Variants in CLEC1A observed in about 807,000 individuals in gnomAD.
The protein encoded by CLEC1A is C-type lectin-like receptor-1.
Under a neutral mutation model 28.7 loss-of-function variants are expected in CLEC1A, and 34 were observed. That is an observed-to-expected ratio of 1.18 (90% CI 0.90 to 1.57). CLEC1A has a LOEUF of 1.57. Among genes scored for constraint, CLEC1A ranks in the 40% most tolerant of loss-of-function variants. The pLI is 0.00. For synonymous variants in CLEC1A, 116 were observed against 121.0 expected, an observed-to-expected ratio of 0.96 and a Z score of 0.27; for missense variants, 385 against 339.5, an observed-to-expected ratio of 1.13 and a Z score of -1.05.
At chr12:10,088,024 G>A (rs1351901479) in intron 2 of CLEC1A, among the ~76,000 whole-genome samples, 3 of 151,854 alleles carry the variant, frequency 2.0e-5, no homozygotes, top group East Asian at 3.9e-4. Flanking sequence ...TCATTATATT[G>A]AGTATTGACA....
rs575580308 is a variant in CLEC1A at position 10,092,389 on chromosome 12, T to A, written c.116-3167A>T. ...GTGAGACCCCCATCTCTATAAAAAA[T>A]TTTTAAAATTCATCAGCCATGGTGG... is the stretch of plus-strand genomic sequence containing the variant. On this transcript the variant is annotated intron_variant, in intron 1 of 5. Transcript: ENST00000315330. 6.1e-4 allele frequency: 228 copies of A among 372,150 alleles called. 1 individual carries two copies. Among genetic ancestry groups the A allele is most frequent in the South Asian group, 1.1e-3 (58 of 52,220 alleles). 23.1% of individuals were successfully genotyped at this position (372,150 alleles called of 1,614,324 possible). A position where few individuals can be genotyped will look rare whatever the true frequency, so the allele number is the denominator to read the frequency against.
At chr12:10,081,114 C>T in intron 3 of CLEC1A, 123 bp downstream of exon 3, 1 of 800,032 alleles carries the variant, frequency 1.2e-6, no homozygotes, top group East Asian at 2.7e-5. Context: ...TCTTGAAGCC[C>T]AAACCCTTTT....
intron 5 of CLEC1A, among the ~76,000 whole-genome samples, chr12:10,072,164 C>T (rs1260268154): frequency 1.3e-5 from 2 of 152,024 alleles, no homozygotes; most frequent in African/African-American, 2.4e-5. Context: ...CTTAAAAGGG[C>T]CTGGAACCTC....
chr12:10,097,914 T>A (rs374305068), intron 1 of CLEC1A, among the ~76,000 whole-genome samples: 1 of 9,432 alleles, frequency 1.1e-4, no homozygotes, highest in Non-Finnish European at 8.3e-4. Context: ...GGTAGTTTAG[T>A]TAAAAAAAAA....
chr12:10,097,080 T>G (rs1467710973), intron 1 of CLEC1A, among the ~76,000 whole-genome samples: 1 of 152,198 alleles, frequency 6.6e-6, no homozygotes, highest in African/African-American at 2.4e-5. Context: ...ACCCCAAACA[T>G]AAGTTTGTGA....
rs143855514 is a variant in CLEC1A at position 10,076,650 on chromosome 12, C to T, written c.392-995G>A. Among the ~76,000 whole-genome samples the T allele has an allele frequency of 6.8e-4, 104 of 152,112 alleles. 4 individuals carry two copies. The East Asian group carries it at 0.018, about 26-fold the overall frequency. ...AAGCAAAAATGCAGGGAGCCTCAGA[C>T]GTTCTAAAACACAGAACAAGAATGG... On this transcript the variant is annotated intron_variant, in intron 3 of 5. Transcript: ENST00000315330.
chr12:10,093,856 A>G (rs1406509701), intron 1 of CLEC1A, among the ~76,000 whole-genome samples: 1 of 152,102 alleles, frequency 6.6e-6, no homozygotes, highest in Non-Finnish European at 1.5e-5. Context: ...TAATCCTCAC[A>G]TATGGCACAT....
chr12:10,077,690 A>G (rs1471158740), intron 3 of CLEC1A, among the ~76,000 whole-genome samples: 6 of 152,174 alleles, frequency 3.9e-5, no homozygotes, highest in Admixed American at 2.6e-4. Context: ...AAGGCCAATA[A>G]CCCCAGGACG....
In CLEC1A at chr12:10,089,146, C is replaced by T; in HGVS notation, c.192G>A (p.Gly64=). The change falls in exon 2 of 6, where the codon GGG becomes GGA. Residue 64 remains glycine, a synonymous_variant. Coordinates refer to ENST00000315330, the MANE Select transcript of CLEC1A (RefSeq NM_016511.4). ...LLTLCLVLLI[G]LAALGLLFFQ... ...TACACAAAAGCCCCAGGGCTGCCAGCCCTATCAGCAGCACCAAGCACAAAG... is the reference window on the plus strand; with the variant it reads ...TACACAAAAGCCCCAGGGCTGCCAGTCCTATCAGCAGCACCAAGCACAAAG... 6.2e-7 allele frequency: 1 copy of T among 1,613,928 alleles called. No individual in the cohort carries two copies. Among genetic ancestry groups the T allele is most frequent in the Non-Finnish European group, 8.5e-7 (1 of 1,179,816 alleles).
chr12:10,082,411 C>T (rs554314664), intron 2 of CLEC1A, among the ~76,000 whole-genome samples: 2 of 152,228 alleles, frequency 1.3e-5, no homozygotes, highest in South Asian at 2.1e-4. Context: ...TCACTGCCAG[C>T]TTTCTCCCAC....
intron 2 of CLEC1A, among the ~76,000 whole-genome samples, chr12:10,088,622 T>C (rs1866550473): frequency 6.6e-6 from 1 of 152,192 alleles, no homozygotes. Flanking sequence ...ATATGCTTTT[T>C]TCCAATTTGA....
At chr12:10,075,746 GAATTAAC>G (rs1866239532) in intron 3 of CLEC1A, 91 bp from the exon 4 acceptor site, 1 of 1,102,876 alleles carries the variant, frequency 9.1e-7, no homozygotes, top group South Asian at 1.6e-5. Context: ...TCCTAAGAAA[GAATTAAC>G]TCTTCCTCAA....
chr12:10,093,947 T>G (rs538561295), intron 1 of CLEC1A, among the ~76,000 whole-genome samples: 1 of 152,282 alleles, frequency 6.6e-6, no homozygotes, highest in Admixed American at 6.5e-5. Flanking sequence ...TTCTTTTCTC[T>G]TATGAATCTA....
chr12:10,093,658 T>C (rs1157424378), intron 1 of CLEC1A, among the ~76,000 whole-genome samples: 2 of 151,886 alleles, frequency 1.3e-5, no homozygotes, highest in African/African-American at 2.4e-5. Flanking sequence ...GTTTAAATAA[T>C]GTGCATGTTA....
chr12:10,074,128 C>T (rs1052376341), intron 4 of CLEC1A, among the ~76,000 whole-genome samples: 1 of 152,136 alleles, frequency 6.6e-6, no homozygotes, highest in African/African-American at 2.4e-5. Flanking sequence ...GATCATAGCT[C>T]ACTGCAGCCT....
Position 10,071,206 on chromosome 12 carries a change from GAGA to G in CLEC1A, c.*124_*126del. 3 of 832,178 alleles carry G rather than the reference GAGA, an allele frequency of 3.6e-6. No individual in the cohort carries two copies. The highest frequency in any genetic ancestry group is 5.5e-6 in the Non-Finnish European group (3 of 545,476). 51.5% of individuals were successfully genotyped at this position (832,178 alleles called of 1,614,324 possible). A position where few individuals can be genotyped will look rare whatever the true frequency, so the allele number is the denominator to read the frequency against. On this transcript the variant is annotated 3_prime_UTR_variant, in exon 6 of 6. Transcript: ENST00000315330. ...GCTGGTGATCCTGAACAGGAAACAC[GAGA>G]ACCCATTTTGTACTAGTCAGAGAGA...
At chr12:10,076,025 T>C (rs1591905323) in intron 3 of CLEC1A, among the ~76,000 whole-genome samples, 1 of 152,232 alleles carries the variant, frequency 6.6e-6, no homozygotes, top group Non-Finnish European at 1.5e-5. Context: ...AAAGTTTCTA[T>C]AATGTTCTCC....
At position 10,071,320 on chromosome 12, in the gene CLEC1A, T is replaced by C. The variant is rs765751236; in HGVS notation, c.*13A>G. On this transcript the variant is annotated 3_prime_UTR_variant, in exon 6 of 6. Transcript: ENST00000315330. ...CCTGGCTCACTCTGCTATTTGTAGT[T>C]GCAGAGGGCGAATCAGTCACCTTCG... The C allele has an allele frequency of 1.2e-6, 2 of 1,609,524 alleles. No individual in the cohort carries two copies. Among genetic ancestry groups the C allele is most frequent in the South Asian group, 1.1e-5 (1 of 90,264 alleles).
intron 2 of CLEC1A, among the ~76,000 whole-genome samples, chr12:10,087,679 T>C (rs1323971806): frequency 6.7e-6 from 1 of 150,360 alleles, no homozygotes; most frequent in African/African-American, 2.4e-5. Flanking sequence ...CCCACCACCA[T>C]GCCTGGCTAA....
Sources: allele counts gnomAD v4.1 joint callset (sites outside exome capture counted in the v4.1 genomes callset), GRCh38; gene constraint gnomAD v4.1.1; transcripts MANE v1.5; gene names NCBI Gene and HGNC (gene_info 2026-07-23, HGNC 2026-07-21).